Variants in FTCDNL1 observed in about 807,000 individuals in gnomAD.
FTCDNL1 encodes the protein formiminotransferase N-terminal subdomain-containing protein.
A neutral mutation model predicts 5.9 loss-of-function variants in FTCDNL1; 11 were observed. The ratio of observed to expected loss-of-function variants is 1.87; its 90% CI spans 1.18 to 3.10. The LOEUF (loss-of-function observed/expected upper bound fraction) is 3.10, where lower values mean the gene tolerates loss of function less well. FTCDNL1 is among the 30% of genes most tolerant of loss of function. FTCDNL1 has a pLI of 0.00. For synonymous variants in FTCDNL1, 58 were observed against 24.8 expected (o/e 2.34, Z -3.99); for missense variants, 115 against 65.5 (o/e 1.76, Z -2.61).
At chr2:199,706,746 C>T in the FTCDNL1 span, among the ~76,000 whole-genome samples, 1,227 of 152,272 alleles carry the variant, frequency 8.1e-3, 16 homozygotes, top group African/African-American at 0.028. Context: ...CAGCTCTGTC[C>T]GCTGAAGTTT....
intron 3 of FTCDNL1, among the ~76,000 whole-genome samples, chr2:199,771,131 G>A (rs1349864549): frequency 6.6e-6 from 1 of 152,180 alleles, no homozygotes; most frequent in Non-Finnish European, 1.5e-5. Flanking sequence ...GCGCATTCAT[G>A]GATTAGCCAC....
the FTCDNL1 span, among the ~76,000 whole-genome samples, chr2:199,717,390 T>C: frequency 2.0e-5 from 3 of 152,116 alleles, no homozygotes. Context: ...TTCTGTACCT[T>C]TGCCTCCAAA....
intron 4 of FTCDNL1, among the ~76,000 whole-genome samples, chr2:199,816,886 G>A (rs184801912): frequency 2.1e-4 from 32 of 152,116 alleles, no homozygotes; most frequent in Admixed American, 7.2e-4. Context: ...TTTATTTATC[G>A]TCTGTCTCTT....
At chr2:199,699,414 A>G in the FTCDNL1 span, among the ~76,000 whole-genome samples, 1 of 152,110 alleles carries the variant, frequency 6.6e-6, no homozygotes, top group African/African-American at 2.4e-5. Context: ...TGATTGCACC[A>G]CTGCACTCCA....
chr2:199,731,037 T>C, the FTCDNL1 span, among the ~76,000 whole-genome samples: 1 of 152,204 alleles, frequency 6.6e-6, no homozygotes, highest in South Asian at 2.1e-4. Flanking sequence ...GTTCATATCC[T>C]TTGCAGGGAC....
chr2:199,822,837 G>A (rs966150373), intron 3 of FTCDNL1, among the ~76,000 whole-genome samples: 6 of 151,912 alleles, frequency 3.9e-5, no homozygotes, highest in South Asian at 2.1e-4. Context: ...CTCCTCATCC[G>A]TTCTAGTTGT....
the FTCDNL1 span, among the ~76,000 whole-genome samples, chr2:199,696,359 G>C: frequency 6.6e-6 from 1 of 152,178 alleles, no homozygotes; most frequent in Non-Finnish European, 1.5e-5. Context: ...CCACCACCTC[G>C]ATGAAGAGTT....
intron 3 of FTCDNL1, among the ~76,000 whole-genome samples, chr2:199,833,308 CCTGT>C (rs1363819159): frequency 6.6e-6 from 1 of 152,044 alleles, no homozygotes; most frequent in Non-Finnish European, 1.5e-5. Context: ...ATCTTGCTTC[CCTGT>C]CTAACCACAG....
At chr2:199,830,041 AG>A (rs1214781199) in intron 3 of FTCDNL1, among the ~76,000 whole-genome samples, 2 of 152,038 alleles carry the variant, frequency 1.3e-5, no homozygotes, top group African/African-American at 2.4e-5. Flanking sequence ...CAAATCAAGT[AG>A]GAAAAAAAAA....
chr2:199,731,847 C>A, the FTCDNL1 span, among the ~76,000 whole-genome samples: 17 of 150,694 alleles, frequency 1.1e-4, no homozygotes, highest in East Asian at 3.1e-3. Flanking sequence ...GAGATCCCGC[C>A]ACTGCACTCC....
the FTCDNL1 span, among the ~76,000 whole-genome samples, chr2:199,709,084 C>G: frequency 6.6e-6 from 1 of 152,120 alleles, no homozygotes; most frequent in Non-Finnish European, 1.5e-5. Context: ...AATCCCGATA[C>G]TATACTCCCT....
intron 3 of FTCDNL1, among the ~76,000 whole-genome samples, chr2:199,777,272 G>GT (rs1699138237): frequency 6.6e-6 from 1 of 151,904 alleles, no homozygotes; most frequent in Non-Finnish European, 1.5e-5. Flanking sequence ...CAGCCTGGGT[G>GT]ACAGAGCAAG....
chr2:199,806,054 C>T (rs924229430), downstream of FTCDNL1, among the ~76,000 whole-genome samples: 8 of 152,188 alleles, frequency 5.3e-5, no homozygotes, highest in African/African-American at 1.7e-4. Context: ...AATACACTAA[C>T]TTGCCTCACA....
intron 3 of FTCDNL1, among the ~76,000 whole-genome samples, chr2:199,838,712 TC>T (rs1702928647): frequency 6.6e-6 from 1 of 151,646 alleles, no homozygotes; most frequent in Non-Finnish European, 1.5e-5. Flanking sequence ...TCAGAGCCCA[TC>T]CCTGATCCAC....
chr2:199,777,312 A>C (rs1172101522), intron 3 of FTCDNL1, among the ~76,000 whole-genome samples: 4 of 152,092 alleles, frequency 2.6e-5, no homozygotes, highest in Middle Eastern at 3.2e-3. Flanking sequence ...AAAAAAAGAA[A>C]GAAAGAGAGA....
chr2:199,679,322 C>T, the FTCDNL1 span, among the ~76,000 whole-genome samples: 1 of 152,012 alleles, frequency 6.6e-6, no homozygotes, highest in South Asian at 2.1e-4. Context: ...ACCATTTCTG[C>T]TTTATTTGTG....
In FTCDNL1 at chr2:199,819,637, C is replaced by T. The variant is rs547561715; in HGVS notation, c.332G>A (p.Arg111Lys). The change falls in exon 4 of 5, where the codon AGG becomes AAG. Residue 111 changes from arginine (R) to lysine (K), a missense_variant. Coordinates refer to ENST00000420128, the MANE Select transcript of FTCDNL1 (RefSeq NM_001363886.2). ...QRRKQLGWFT[R>K]RDFSALQPDL... The stretch of plus-strand genomic sequence containing the variant: ...AGGCTGAAGAGCACTGAAATCCCTC[C>T]TCGTGAACCAGCCCAGCTGCTTCCT... The T allele has an allele frequency of 2.0e-4, 142 of 702,282 alleles. 2 individuals carry two copies. The highest frequency in any genetic ancestry group is 1.2e-3 in the South Asian group (78 of 67,594). 43.5% of individuals were successfully genotyped at this position (702,282 alleles called of 1,614,324 possible). A position where few individuals can be genotyped will look rare whatever the true frequency, so the allele number is the denominator to read the frequency against.
the FTCDNL1 span, among the ~76,000 whole-genome samples, chr2:199,696,875 A>C: frequency 3.7e-4 from 56 of 152,344 alleles, no homozygotes; most frequent in Non-Finnish European, 5.7e-4. Flanking sequence ...ATTCAGGAGA[A>C]AGTTGAAACC....
chr2:199,700,810 G>C, the FTCDNL1 span, among the ~76,000 whole-genome samples: 3 of 152,134 alleles, frequency 2.0e-5, no homozygotes, highest in African/African-American at 7.2e-5. Context: ...TTCAGTAAGT[G>C]GTGCTGGGAT....
Sources: allele counts gnomAD v4.1 joint callset (sites outside exome capture counted in the v4.1 genomes callset), GRCh38; gene constraint gnomAD v4.1.1; transcripts MANE v1.5; gene names NCBI Gene and HGNC (gene_info 2026-07-23, HGNC 2026-07-21).